DYNC2H1: variants seen among roughly 807,000 people sequenced by gnomAD.
DYNC2H1 encodes the protein cytoplasmic dynein 2 heavy chain 1.
A neutral mutation model predicts 570.0 loss-of-function variants in DYNC2H1; 410 were observed. The ratio of observed to expected loss-of-function variants is 0.72; its 90% CI spans 0.66 to 0.78. The LOEUF is 0.78. Ranked by LOEUF, DYNC2H1 falls within the 30% of genes least tolerant of loss-of-function variation. The pLI is 0.00. For synonymous variants in DYNC2H1, 1,688 were observed against 1,677.6 expected, an observed-to-expected ratio of 1.01 and a Z score of -0.15; for missense variants, 4,865 against 5,046.4, an observed-to-expected ratio of 0.96 and a Z score of 1.09.
chr11:103,141,852 G>A (rs1204285868), intron 17 of DYNC2H1, among the ~76,000 whole-genome samples: 1 of 152,218 alleles, frequency 6.6e-6, no homozygotes, highest in Non-Finnish European at 1.5e-5. Flanking sequence ...GAGCTGTGGT[G>A]GGCTCCACCC....
Position 103,171,082 on chromosome 11 carries a change from TG to T in DYNC2H1, c.5334+17del, listed in dbSNP as rs773222603. 1.3e-6 allele frequency: 2 copies of T among 1,544,296 alleles called. No homozygotes were observed. Among genetic ancestry groups the T allele is most frequent in the East Asian group, 4.6e-5 (2 of 43,492 alleles). ...CTTGGCAAGGAGGTATAGAATATGT[TG>T]GGAATTTAAAGAATTAAAATATTTT... On this transcript the variant is annotated intron_variant, in intron 34 of 88. Coordinates refer to ENST00000375735, the MANE Select transcript of DYNC2H1 (RefSeq NM_001377.3).
chr11:103,399,715 C>A lies in DYNC2H1; in HGVS notation c.12209C>A (p.Ser4070Tyr). ...CCTCCTCCTAACGATCGACAAGGAT[C>A]TCCAATACTGTCATTCATCATTCTT... ...KVPPPNDRQG[S>Y]PILSFIILEQ... is the part of the protein sequence containing the mutation. Residue 4070 changes from serine to tyrosine, a missense_variant, in exon 84 of 89, where the codon TCT becomes TAT. By Grantham distance (144) the Ser-to-Tyr change is moderately radical. Around this residue, in one of 5 missense-constraint regions of DYNC2H1, gnomAD observed 2,401 missense variants for 2,454.6 expected, o/e 0.98. Coordinates refer to ENST00000375735, the MANE Select transcript of DYNC2H1 (RefSeq NM_001377.3). The A allele has an allele frequency of 6.2e-7, 1 of 1,613,808 alleles. No individual in the cohort carries two copies. The highest frequency in any genetic ancestry group is 2.2e-5 in the East Asian group (1 of 44,840).
At chr11:103,255,636 T>TA in intron 67 of DYNC2H1, 102 bp downstream of exon 67, 1 of 1,271,346 alleles carries the variant, frequency 7.9e-7, no homozygotes, top group Non-Finnish European at 1.1e-6. Context: ...AGATTTTTTT[T>TA]TCCAAAGACA....
At chr11:103,211,650 A>G in intron 53 of DYNC2H1, 139 bp from the exon 54 acceptor site, 1 of 389,280 alleles carries the variant, frequency 2.6e-6, no homozygotes, top group Non-Finnish European at 4.5e-6. Context: ...GTGCATCTTT[A>G]AGCAAAGATG....
At chr11:103,316,246 T>A (rs1937831673) in intron 79 of DYNC2H1, among the ~76,000 whole-genome samples, 1 of 152,040 alleles carries the variant, frequency 6.6e-6, no homozygotes. Flanking sequence ...AATATCCCAA[T>A]GTATATATAG....
chr11:103,303,192 A>G lies in DYNC2H1; in HGVS notation c.11195A>G (p.Asp3732Gly). The change falls in exon 76 of 89, where the codon GAT becomes GGT. Residue 3732 changes from aspartate (D) to glycine (G), a missense_variant. Physicochemically the swap from Asp to Gly is moderately conservative, Grantham distance 94. Transcript: ENST00000375735. ...PILIIISPGA[D>G]PSQELQELAN... is the part of the protein sequence containing the mutation. Reference sequence around the variant, plus strand: ...TTGATAATTATTTCTCCGGGTGCTGATCCTTCTCAGGAACTTCAAGAACTA... The same window carrying G: ...TTGATAATTATTTCTCCGGGTGCTGGTCCTTCTCAGGAACTTCAAGAACTA... 6.2e-7 allele frequency: 1 copy of G among 1,612,886 alleles called. No individual in the cohort carries two copies. Among genetic ancestry groups the G allele is most frequent in the Non-Finnish European group, 8.5e-7 (1 of 1,179,152 alleles).
chr11:103,466,540 T>G (rs1945199679), intron 87 of DYNC2H1, among the ~76,000 whole-genome samples: 1 of 152,168 alleles, frequency 6.6e-6, no homozygotes. Flanking sequence ...TAAAGGATGT[T>G]TATAGATCAA....
chr11:103,160,677 G>T (rs1861053879), intron 28 of DYNC2H1, among the ~76,000 whole-genome samples: 1 of 151,946 alleles, frequency 6.6e-6, no homozygotes, highest in Non-Finnish European at 1.5e-5. Context: ...AATTTCACCA[G>T]TGAATCCTGT....
chr11:103,158,218 C>T (rs867816995), intron 26 of DYNC2H1, among the ~76,000 whole-genome samples: 41 of 152,266 alleles, frequency 2.7e-4, no homozygotes, highest in Non-Finnish European at 5.6e-4. Flanking sequence ...GAGGCCGAGG[C>T]GGGCGGATCA....
At chr11:103,315,590 C>T (rs1041835268) in intron 79 of DYNC2H1, among the ~76,000 whole-genome samples, 20 of 152,004 alleles carry the variant, frequency 1.3e-4, no homozygotes, top group Non-Finnish European at 2.4e-4. Flanking sequence ...CTAACGAGTT[C>T]TTAAATCTGT....
rs1028812059 is a variant in DYNC2H1, at chr11:103,187,421, A to G, written c.6975A>G (p.Arg2325=). Residue 2325 remains arginine (R), a synonymous_variant, in exon 43 of 89, where the codon CGA becomes CGG. Transcript: ENST00000375735. ...TVHCSAQTTS[R]HLLQKLSQTC... ...ACTGTAGTGCACAAACCACTTCTCG[A>G]CATCTCCTGCAGAAACTGAGCCAGA... The G allele has an allele frequency of 6.2e-7, 1 of 1,613,344 alleles. No individual in the cohort carries two copies. Among genetic ancestry groups the G allele is most frequent in the Non-Finnish European group, 8.5e-7 (1 of 1,179,460 alleles).
intron 66 of DYNC2H1, 37 bp from the exon 67 acceptor site, chr11:103,255,372 AAGCCTT>A: frequency 2.0e-6 from 3 of 1,528,702 alleles, no homozygotes; most frequent in Non-Finnish European, 2.6e-6. Flanking sequence ...GTTTTGTTTT[AAGCCTT>A]ATTGCTAGAA....
In DYNC2H1 at chr11:103,203,576, A is replaced by G; in HGVS notation, c.8198-87A>G. The G allele has an allele frequency of 1.2e-6, 1 of 803,772 alleles. No individual in the cohort carries two copies. Among genetic ancestry groups the G allele is most frequent in the Non-Finnish European group, 1.9e-6 (1 of 526,778 alleles). 49.8% of individuals were successfully genotyped at this position (803,772 alleles called of 1,614,324 possible). On this transcript the variant is annotated intron_variant, in intron 50 of 88. Transcript: ENST00000375735. This position sits in a 1 kb window ranked among gnomAD's most constrained non-coding sequence, Gnocchi z 4.7. Reference sequence around the variant, plus strand: ...AGTTTGTATATTTTTGGAAATAAAGATTGAATAAGAGCAGATTTTTAAATA... The same window carrying G: ...AGTTTGTATATTTTTGGAAATAAAGGTTGAATAAGAGCAGATTTTTAAATA...
chr11:103,153,655 C>T (rs1591325992), intron 22 of DYNC2H1, 147 bp downstream of exon 22: 1 of 790,580 alleles, frequency 1.3e-6, no homozygotes, highest in East Asian at 2.8e-5. Context: ...CATTCATATA[C>T]TGTTGTCTTA....
chr11:103,188,160 G>GA (rs1033328372), intron 43 of DYNC2H1, among the ~76,000 whole-genome samples: 2 of 151,776 alleles, frequency 1.3e-5, no homozygotes, highest in African/African-American at 4.8e-5. Context: ...AATATTTACA[G>GA]AAAAAAACAA....
In DYNC2H1 at chr11:103,304,569, TTTTG is replaced by T. The variant is rs779415943; in HGVS notation, c.11257-18_11257-15del. 1.2e-5 allele frequency: 19 copies of T among 1,603,324 alleles called. 1 individual carries two copies. The Admixed American group carries it at 2.2e-4, about 19-fold the overall frequency. Reference sequence around the variant, plus strand: ...ACATGTTAGCAGATCTGTTTTTAAATTTTGTTTGTTTTTTTGCTTTTGTAGGTTG... The same window carrying T: ...ACATGTTAGCAGATCTGTTTTTAAATTTTGTTTTTTTGCTTTTGTAGGTTG... On this transcript the variant is annotated intron_variant, in intron 76 of 88. Coordinates refer to ENST00000375735, the MANE Select transcript of DYNC2H1 (RefSeq NM_001377.3).
Position 103,186,549 on chromosome 11 carries a change from G to T in DYNC2H1, c.6893+48G>T. ...TATATGTTGTGGATTTATTCCTGCC[G>T]CCCCTAATTGATTTAATGGCTTTTG... On this transcript the variant is annotated intron_variant, in intron 42 of 88. Transcript: ENST00000375735. This position sits in a 1 kb window ranked among gnomAD's most constrained non-coding sequence, Gnocchi z 4.5. 1 of 1,569,038 alleles carries T rather than the reference G, an allele frequency of 6.4e-7. No homozygotes were observed.
intron 30 of DYNC2H1, among the ~76,000 whole-genome samples, chr11:103,164,998 C>T (rs1861243174): frequency 6.6e-6 from 1 of 152,090 alleles, no homozygotes; most frequent in African/African-American, 2.4e-5. Flanking sequence ...CCATAAATAC[C>T]TCATCATATA....
In DYNC2H1 at chr11:103,135,856, A is replaced by G. The variant is rs200961157; in HGVS notation, c.2482A>G (p.Met828Val). ...EAGDESIFSI[M>V]IDRNASGFLT... is the part of the protein sequence containing the mutation. Reference sequence around the variant, plus strand: ...AGGAGATGAATCTATTTTTTCTATTATGATTGATAGAAATGCAAGTGGATT... The same window carrying G: ...AGGAGATGAATCTATTTTTTCTATTGTGATTGATAGAAATGCAAGTGGATT... The change falls in exon 17 of 89, where the codon ATG becomes GTG. Residue 828 changes from methionine (M) to valine (V), a missense_variant. Around this residue, in one of 5 missense-constraint regions of DYNC2H1, gnomAD observed 1,936 missense variants for 1,962.1 expected, o/e 0.99. Transcript: ENST00000375735. 266 of 1,613,198 alleles carry G rather than the reference A, an allele frequency of 1.6e-4. 2 individuals are homozygous for G. The African/African-American group carries it at 2.6e-3, about 16-fold the overall frequency.
Sources: gnomAD v4.1 joint callset for allele counts (sites outside exome capture counted in the v4.1 genomes callset) on GRCh38, gnomAD v4.1.1 for gene constraint, gnomAD v4.1.1 regional missense constraint, Gnocchi (gnomAD v3.1) non-coding constraint, MANE v1.5 for transcripts, NCBI Gene and HGNC (gene_info 2026-07-23, HGNC 2026-07-21) for gene names.